The following FCHSD2 variants were observed in gnomAD, a reference collection of about 807,000 sequenced individuals.
FCHSD2 encodes the protein F-BAR and double SH3 domains protein 2.
FCHSD2 carries 38 observed loss-of-function variants against 108.1 expected under a neutral mutation model. The ratio of observed to expected loss-of-function variants is 0.35; its 90% confidence interval spans 0.27 to 0.46. The LOEUF (loss-of-function observed/expected upper bound fraction) is 0.46. Among genes scored for constraint, FCHSD2 ranks in the 20% least tolerant of loss-of-function variants. The pLI, the probability that FCHSD2 is intolerant of heterozygous loss-of-function variation, is 1.00. For missense variants in FCHSD2, 751 were observed against 897.8 expected, an observed-to-expected ratio of 0.84 and a Z score of 2.09; for synonymous variants, 279 against 314.7, an observed-to-expected ratio of 0.89 and a Z score of 1.20.
intron 2 of FCHSD2, among the ~76,000 whole-genome samples, chr11:73,096,748 T>G (rs1278766406): frequency 1.3e-5 from 2 of 151,936 alleles, no homozygotes; most frequent in Non-Finnish European, 2.9e-5. Flanking sequence ...CTTTAACATG[T>G]TAAGGACGTT....
At chr11:72,949,800 A>G (rs532267928) in intron 8 of FCHSD2, among the ~76,000 whole-genome samples, 1 of 152,170 alleles carries the variant, frequency 6.6e-6, no homozygotes, top group Non-Finnish European at 1.5e-5. Flanking sequence ...GGTTGTTTCC[A>G]CCTTTGGATT....
rs747538666 is a variant in FCHSD2 at position 72,842,609 on chromosome 11, C to T, written c.1926+12G>A. 1 of 1,613,904 alleles carries T rather than the reference C, an allele frequency of 6.2e-7. No individual in the cohort carries two copies. Among genetic ancestry groups the T allele is most frequent in the South Asian group, 1.1e-5 (1 of 91,072 alleles). ...AACATCTTTTAATTCAACTGTCTCC[C>T]CTCTCAGGTACCTGAATCTCTCTCA... On this transcript the variant is annotated intron_variant, in intron 17 of 19. Transcript: ENST00000409418.
chr11:72,957,435 G>A (rs903907698), intron 8 of FCHSD2, among the ~76,000 whole-genome samples: 5 of 150,546 alleles, frequency 3.3e-5, no homozygotes, highest in African/African-American at 9.8e-5. Context: ...GTCTATCATT[G>A]TTGGACATTT....
At chr11:73,018,316 C>T (rs939201659) in intron 3 of FCHSD2, among the ~76,000 whole-genome samples, 14 of 152,170 alleles carry the variant, frequency 9.2e-5, no homozygotes, top group Non-Finnish European at 1.9e-4. Context: ...CCAGAGACCA[C>T]AATCTAGGCA....
rs77360270 is a variant in FCHSD2, at chr11:72,965,437, C to A, written c.705+18651G>T. On this transcript the variant is annotated intron_variant, in intron 8 of 19. Transcript: ENST00000409418. ...ATGCCTTACATTCTACCAGGTGAGACAAAATAAGTCTTAACTTAAAAGCTA... is the reference window on the plus strand; with the variant it reads ...ATGCCTTACATTCTACCAGGTGAGAAAAAATAAGTCTTAACTTAAAAGCTA... 5.3e-5 allele frequency among the ~76,000 whole-genome samples: 8 copies of A among 152,302 alleles called. No individual in the cohort carries two copies. The East Asian group carries it at 1.5e-3, about 29-fold the overall frequency.
chr11:73,002,721 T>C (rs1591473867), intron 4 of FCHSD2, among the ~76,000 whole-genome samples: 1 of 152,216 alleles, frequency 6.6e-6, no homozygotes, highest in South Asian at 2.1e-4. Context: ...TCCTAGTTAA[T>C]AGCTGTTTGC....
At chr11:72,957,249 G>A (rs1856731530) in intron 8 of FCHSD2, among the ~76,000 whole-genome samples, 1 of 133,316 alleles carries the variant, frequency 7.5e-6, no homozygotes, top group Non-Finnish European at 1.5e-5. Context: ...TGATCTCATT[G>A]TTCAATTCCC....
chr11:73,031,247 G>A (rs1276010470), intron 3 of FCHSD2, among the ~76,000 whole-genome samples: 1 of 152,158 alleles, frequency 6.6e-6, no homozygotes, highest in Admixed American at 6.5e-5. Flanking sequence ...GGAGGCTGAG[G>A]CAGGTGGATT....
intron 3 of FCHSD2, among the ~76,000 whole-genome samples, chr11:73,053,420 C>T (rs1245063489): frequency 2.0e-5 from 3 of 152,036 alleles, no homozygotes; most frequent in Admixed American, 1.3e-4. Flanking sequence ...AAATCACTTG[C>T]TTCACCTTGG....
intron 12 of FCHSD2, among the ~76,000 whole-genome samples, chr11:72,874,196 T>C (rs756477216): frequency 6.6e-6 from 1 of 152,244 alleles, no homozygotes; most frequent in Non-Finnish European, 1.5e-5. Flanking sequence ...AGTATGCTTT[T>C]GCTTTTTTAA....
At chr11:72,913,202 G>A (rs1011760555) in intron 9 of FCHSD2, among the ~76,000 whole-genome samples, 2 of 152,162 alleles carry the variant, frequency 1.3e-5, no homozygotes, top group Admixed American at 1.3e-4. Flanking sequence ...ATTATAATTT[G>A]ATGAGATTTG....
At chr11:72,966,426 C>T (rs916748338) in intron 8 of FCHSD2, among the ~76,000 whole-genome samples, 1 of 152,166 alleles carries the variant, frequency 6.6e-6, no homozygotes, top group Admixed American at 6.5e-5. Context: ...TCCCAAAGTG[C>T]TGGGATTACA....
At chr11:73,135,464 G>A (rs762723365) in intron 2 of FCHSD2, among the ~76,000 whole-genome samples, 18 of 152,066 alleles carry the variant, frequency 1.2e-4, no homozygotes, top group Non-Finnish European at 2.2e-4. Flanking sequence ...CTGGGTCACT[G>A]CAAAAAATTT....
At chr11:73,135,491 C>T (rs999240616) in intron 2 of FCHSD2, among the ~76,000 whole-genome samples, 7 of 152,152 alleles carry the variant, frequency 4.6e-5, no homozygotes, top group African/African-American at 1.2e-4. Context: ...ACTAACTCTA[C>T]TCAACATAGC....
chr11:73,130,090 G>A (rs1458560403), intron 2 of FCHSD2, among the ~76,000 whole-genome samples: 1 of 151,758 alleles, frequency 6.6e-6, no homozygotes, highest in Non-Finnish European at 1.5e-5. Flanking sequence ...TAGCCAGGAT[G>A]GTCTCAATCT....
chr11:72,922,262 T>A lies in FCHSD2; in HGVS notation c.706-312A>T, dbSNP rs545997545. Among the ~76,000 whole-genome samples the A allele has an allele frequency of 1.3e-4, 20 of 152,150 alleles. No homozygotes were observed. In the South Asian group the frequency reaches 2.3e-3, roughly 17 times the overall value. Reference sequence around the variant, plus strand: ...CATCTGCTTAGGTGTAGGAGTTAAGTGAAATAATAAACGTGAAAGGATGCA... The same window carrying A: ...CATCTGCTTAGGTGTAGGAGTTAAGAGAAATAATAAACGTGAAAGGATGCA... On this transcript the variant is annotated intron_variant, in intron 8 of 19. Coordinates refer to ENST00000409418, the MANE Select transcript of FCHSD2 (RefSeq NM_014824.3).
chr11:73,117,337 G>A (rs1860627794), intron 2 of FCHSD2, among the ~76,000 whole-genome samples: 1 of 152,144 alleles, frequency 6.6e-6, no homozygotes, highest in South Asian at 2.1e-4. Flanking sequence ...TCTGGTTCAA[G>A]AGTCCACACT....
intron 9 of FCHSD2, among the ~76,000 whole-genome samples, chr11:72,903,848 C>A (rs1855577473): frequency 6.6e-6 from 1 of 152,128 alleles, no homozygotes; most frequent in African/African-American, 2.4e-5. Context: ...GTGTATATTG[C>A]ATTTTGTTTA....
At chr11:73,125,681 G>A (rs1210530077) in intron 2 of FCHSD2, among the ~76,000 whole-genome samples, 3 of 151,428 alleles carry the variant, frequency 2.0e-5, no homozygotes, top group African/African-American at 7.3e-5. Context: ...ACCTAGCCCA[G>A]ACAACAGAGA....
Sources: gnomAD v4.1 joint callset for allele counts (sites outside exome capture counted in the v4.1 genomes callset) on GRCh38, gnomAD v4.1.1 for gene constraint, MANE v1.5 for transcripts, NCBI Gene and HGNC (gene_info 2026-07-23, HGNC 2026-07-21) for gene names.